QKI: variants seen among roughly 807,000 people sequenced by gnomAD.
QKI encodes QKI, KH domain containing RNA binding, also known as KH domain-containing RNA-binding protein QKI.
A neutral mutation model predicts 39.0 loss-of-function variants in QKI; 10 were observed. The ratio of observed to expected loss-of-function variants is 0.26; its 90% CI spans 0.16 to 0.43. The LOEUF is 0.43. Ranked by LOEUF, QKI falls within the 20% of genes least tolerant of loss-of-function variation. The pLI, the probability that QKI is intolerant of heterozygous loss-of-function variation, is 1.00. For synonymous variants in QKI, 204 were observed against 155.4 expected (o/e 1.31, Z -2.33); for missense variants, 218 against 428.0 (o/e 0.51, Z 4.33).
chr6:163,520,409 G>A (rs1780076026), intron 3 of QKI, among the ~76,000 whole-genome samples: 1 of 152,086 alleles, frequency 6.6e-6, no homozygotes, highest in Non-Finnish European at 1.5e-5. Flanking sequence ...TAGCTAGCAA[G>A]AAGTTCAGGA....
At chr6:163,565,266 T>C (rs533473651) in intron 6 of QKI, 3 of 986,682 alleles carry the variant, frequency 3.0e-6, no homozygotes, top group East Asian at 1.1e-4. Context: ...CCGTGCATGC[T>C]CCTTTTCCCA....
chr6:163,525,886 C>T (rs758165950), intron 3 of QKI, among the ~76,000 whole-genome samples: 14 of 152,136 alleles, frequency 9.2e-5, no homozygotes, highest in Non-Finnish European at 1.3e-4. Context: ...ATAATGCCTA[C>T]CTCTAAGCTT....
chr6:163,569,540 C>T, intron 7 of QKI: 1 of 1,207,200 alleles, frequency 8.3e-7, no homozygotes, highest in Admixed American at 3.1e-5. Context: ...GTTAAGTGGA[C>T]CAAGTTTGGT....
chr6:163,424,387 A>G (rs1473095425), intron 1 of QKI, among the ~76,000 whole-genome samples: 4 of 152,220 alleles, frequency 2.6e-5, no homozygotes, highest in South Asian at 4.1e-4. Flanking sequence ...GTTTTTGTGC[A>G]TATGCTAATG....
chr6:163,438,995 G>C (rs75220736), intron 1 of QKI, among the ~76,000 whole-genome samples: 2 of 151,528 alleles, frequency 1.3e-5, no homozygotes, highest in African/African-American at 4.9e-5. Flanking sequence ...TTCTGTTTTC[G>C]AACTTTTCTA....
intron 3 of QKI, among the ~76,000 whole-genome samples, chr6:163,494,120 T>C (rs1258818661): frequency 6.6e-6 from 1 of 151,842 alleles, no homozygotes; most frequent in Non-Finnish European, 1.5e-5. Flanking sequence ...CAACCACAGA[T>C]CAAAAAATAT....
chr6:163,457,414 C>G (rs1356008867), intron 2 of QKI: 1 of 455,974 alleles, frequency 2.2e-6, no homozygotes, highest in Admixed American at 2.3e-5. Context: ...CTACTATTAC[C>G]GACTGGTGTG....
intron 4 of QKI, among the ~76,000 whole-genome samples, chr6:163,554,271 G>A (rs530078509): frequency 1.1e-4 from 16 of 152,224 alleles, no homozygotes; most frequent in African/African-American, 3.9e-4. Context: ...AGCGCACATG[G>A]GAAAGAGAAC....
chr6:163,570,327 CTG>C, intron 7 of QKI: 1 of 983,132 alleles, frequency 1.0e-6, no homozygotes, highest in Non-Finnish European at 1.2e-6. Context: ...ACTGCACTGA[CTG>C]TTTAAAAATT....
rs933168417 is a variant in QKI, at chr6:163,572,867, A to C, written c.*2157A>C. On this transcript the variant is annotated 3_prime_UTR_variant, in exon 8 of 8. Transcript: ENST00000361752. ...TTTGTATCCAGCTAGCTTTGGTTTA[A>C]TATGCCACTGCTTTGTCTTTCTGTT... is the stretch of plus-strand genomic sequence containing the variant. The C allele has an allele frequency of 6.6e-6, 1 of 152,190 alleles. No individual in the cohort carries two copies. Among genetic ancestry groups the C allele is most frequent in the African/African-American group, 2.4e-5 (1 of 41,534 alleles). The allele number at this position is 152,190 out of a possible 1,614,324, so 9.4% of individuals were successfully genotyped here. A position where few individuals can be genotyped will look rare whatever the true frequency, so the allele number is the denominator to read the frequency against.
intron 7 of QKI, chr6:163,570,106 A>G: frequency 3.0e-6 from 3 of 986,156 alleles, no homozygotes; most frequent in Non-Finnish European, 3.6e-6. Context: ...TGTAAATAGA[A>G]TAATTGAAAA....
chr6:163,548,386 A>C (rs1782021020), intron 4 of QKI, among the ~76,000 whole-genome samples: 4 of 152,208 alleles, frequency 2.6e-5, no homozygotes, highest in Admixed American at 2.0e-4. Context: ...ATTCATGTAA[A>C]ATCTTCCACA....
chr6:163,420,702 C>T (rs944551888), intron 1 of QKI, among the ~76,000 whole-genome samples: 1 of 151,862 alleles, frequency 6.6e-6, no homozygotes, highest in Non-Finnish European at 1.5e-5. Flanking sequence ...ATATTTATAC[C>T]CCTTTAAAAA....
intron 4 of QKI, among the ~76,000 whole-genome samples, chr6:163,550,584 T>G (rs2128246153): frequency 6.6e-6 from 1 of 152,246 alleles, no homozygotes; most frequent in Middle Eastern, 3.4e-3. Context: ...GCAGTTGCCT[T>G]TTTTTCACCA....
intron 3 of QKI, among the ~76,000 whole-genome samples, chr6:163,529,499 G>A (rs1780717903): frequency 6.6e-6 from 1 of 151,862 alleles, no homozygotes; most frequent in South Asian, 2.1e-4. Context: ...AAAAGACAAT[G>A]CACAGATAAC....
intron 1 of QKI, among the ~76,000 whole-genome samples, chr6:163,447,653 T>C (rs1790255128): frequency 6.6e-6 from 1 of 152,186 alleles, no homozygotes; most frequent in Admixed American, 6.5e-5. Flanking sequence ...TTTTTCTTTT[T>C]ATTTTGAGGG....
At chr6:163,504,413 A>G (rs186858591) in intron 3 of QKI, among the ~76,000 whole-genome samples, 29 of 152,256 alleles carry the variant, frequency 1.9e-4, no homozygotes, top group African/African-American at 7.0e-4. Flanking sequence ...TGGTAGTTTG[A>G]TAGAAATAGC....
intron 3 of QKI, among the ~76,000 whole-genome samples, chr6:163,522,998 A>G (rs1433928267): frequency 6.6e-6 from 1 of 152,238 alleles, no homozygotes; most frequent in East Asian, 1.9e-4. Flanking sequence ...AACACCTTTT[A>G]TAACGTAATG....
At chr6:163,433,041 A>G (rs1788960907) in intron 1 of QKI, among the ~76,000 whole-genome samples, 1 of 152,152 alleles carries the variant, frequency 6.6e-6, no homozygotes, top group East Asian at 1.9e-4. Context: ...AAAATCTTAG[A>G]TTTGTTTTAG....
Sources: allele counts gnomAD v4.1 joint callset (sites outside exome capture counted in the v4.1 genomes callset), GRCh38; gene constraint gnomAD v4.1.1; transcripts MANE v1.5; gene names NCBI Gene and HGNC (gene_info 2026-07-23, HGNC 2026-07-21).